PLXNA2: variants seen among roughly 807,000 people sequenced by gnomAD.
PLXNA2 encodes plexin A2.
PLXNA2 carries 91 observed loss-of-function variants against 193.5 expected under a neutral mutation model. That is an observed-to-expected ratio of 0.47 (90% CI 0.40 to 0.56). The LOEUF is 0.56. Ranked by LOEUF, PLXNA2 falls within the 20% of genes least tolerant of loss-of-function variation. The pLI is 0.00. For missense variants in PLXNA2, 1,995 were observed against 2,503.2 expected, an observed-to-expected ratio of 0.80 and a Z score of 4.33; for synonymous variants, 997 against 1,027.3, an observed-to-expected ratio of 0.97 and a Z score of 0.56.
intron 1 of PLXNA2, among the ~76,000 whole-genome samples, chr1:208,223,905 C>G (rs189045588): frequency 6.6e-6 from 1 of 152,334 alleles, no homozygotes; most frequent in Non-Finnish European, 1.5e-5. Flanking sequence ...TACCTAGAGG[C>G]AGGGGATTGG....
At chr1:208,098,590 T>G (rs1034609744) in intron 6 of PLXNA2, among the ~76,000 whole-genome samples, 3 of 152,172 alleles carry the variant, frequency 2.0e-5, no homozygotes, top group Non-Finnish European at 4.4e-5. Context: ...TGCATTATGT[T>G]GCAGATGTTT....
chr1:208,071,246 C>T (rs1665967015), intron 12 of PLXNA2, among the ~76,000 whole-genome samples: 1 of 152,242 alleles, frequency 6.6e-6, no homozygotes. Context: ...GATGTTCATA[C>T]TCTGTATTAA....
At chr1:208,152,672 C>T (rs1039234832) in intron 3 of PLXNA2, among the ~76,000 whole-genome samples, 5 of 117,134 alleles carry the variant, frequency 4.3e-5, no homozygotes, top group African/African-American at 1.5e-4. Context: ...TACACATACA[C>T]ACACACACAC....
intron 3 of PLXNA2, among the ~76,000 whole-genome samples, chr1:208,188,064 C>A (rs2102559297): frequency 6.6e-6 from 1 of 152,330 alleles, no homozygotes; most frequent in African/African-American, 2.4e-5. Flanking sequence ...CATTGCACCA[C>A]CACCAGTGAC....
At chr1:208,139,691 C>T (rs1301994974) in intron 4 of PLXNA2, among the ~76,000 whole-genome samples, 4 of 152,188 alleles carry the variant, frequency 2.6e-5, no homozygotes, top group Non-Finnish European at 5.9e-5. Context: ...TCAGTGATAA[C>T]ACAAGCTGGA....
chr1:208,058,875 T>A (rs1665526310), intron 13 of PLXNA2, among the ~76,000 whole-genome samples: 1 of 152,218 alleles, frequency 6.6e-6, no homozygotes, highest in South Asian at 2.1e-4. Context: ...TCACAGAGAC[T>A]GAACAGCTTG....
chr1:208,113,047 T>A (rs1336252000), intron 4 of PLXNA2, among the ~76,000 whole-genome samples: 1 of 150,234 alleles, frequency 6.7e-6, no homozygotes, highest in African/African-American at 2.4e-5. Flanking sequence ...TACTGTGTTG[T>A]CTCCATGACA....
At chr1:208,152,714 CACA>C (rs1558218254) in intron 3 of PLXNA2, among the ~76,000 whole-genome samples, 5 of 150,088 alleles carry the variant, frequency 3.3e-5, no homozygotes, top group African/African-American at 1.3e-4. Flanking sequence ...CACACACACA[CACA>C]CCACCTTCAA....
chr1:208,200,824 T>G (rs1670527847), intron 3 of PLXNA2, among the ~76,000 whole-genome samples: 3 of 152,120 alleles, frequency 2.0e-5, no homozygotes, highest in African/African-American at 7.2e-5. Flanking sequence ...CAGGCTGGTC[T>G]TGAACTCTTG....
chr1:208,202,809 A>C (rs1237533215), intron 3 of PLXNA2, among the ~76,000 whole-genome samples: 1 of 152,228 alleles, frequency 6.6e-6, no homozygotes, highest in Non-Finnish European at 1.5e-5. Context: ...CCTGCTTGGC[A>C]ATAAAGCCCC....
chr1:208,184,837 C>T (rs897149482), intron 3 of PLXNA2, among the ~76,000 whole-genome samples: 3 of 152,116 alleles, frequency 2.0e-5, no homozygotes, highest in African/African-American at 7.2e-5. Context: ...CTCAGCTGTT[C>T]CCCCAGGCTT....
intron 1 of PLXNA2, among the ~76,000 whole-genome samples, chr1:208,241,577 T>C (rs1672052766): frequency 6.6e-6 from 1 of 152,230 alleles, no homozygotes; most frequent in African/African-American, 2.4e-5. Flanking sequence ...GGTCCCTGGA[T>C]AGAGATCTCC....
intron 3 of PLXNA2, among the ~76,000 whole-genome samples, chr1:208,160,054 G>A (rs1381779672): frequency 1.3e-5 from 2 of 152,188 alleles, no homozygotes; most frequent in Non-Finnish European, 2.9e-5. Flanking sequence ...TCTGGTCTCG[G>A]CAGCTCCCTC....
At chr1:208,232,038 T>G (rs1318610309) in intron 1 of PLXNA2, among the ~76,000 whole-genome samples, 4 of 152,168 alleles carry the variant, frequency 2.6e-5, no homozygotes, top group African/African-American at 7.2e-5. Flanking sequence ...GCCCTGTGAA[T>G]GTTTAGAGGA....
At chr1:208,143,462 C>T (rs989545347) in intron 3 of PLXNA2, among the ~76,000 whole-genome samples, 9 of 152,156 alleles carry the variant, frequency 5.9e-5, no homozygotes, top group African/African-American at 2.2e-4. Context: ...CTATCTAGGC[C>T]CTTATGTTCA....
At chr1:208,154,081 C>T (rs1571975024) in intron 3 of PLXNA2, among the ~76,000 whole-genome samples, 2 of 152,318 alleles carry the variant, frequency 1.3e-5, no homozygotes, top group South Asian at 4.1e-4. Flanking sequence ...CTTCCATGGA[C>T]TCTCTTTGCT....
At position 208,210,320 on chromosome 1, in the gene PLXNA2, C is replaced by A. The variant is rs1670896013; in HGVS notation, c.1331G>T (p.Ser444Ile). ...ACTCTTAGTCCCCACAAAAACCACG[C>A]TGTAGCCGTTGTAAACGTAGGAGGC... is the stretch of plus-strand genomic sequence containing the variant. Reference protein sequence around the residue: ...SVASYVYNGYSVVFVGTKSGK... With the variant: ...SVASYVYNGYIVVFVGTKSGK... Residue 444 changes from serine (S) to isoleucine (I), a missense_variant, in exon 3 of 32, where the codon AGC becomes ATC. This residue lies in a region of PLXNA2 where 702 missense variants were observed against 812.9 expected (regional missense o/e 0.86). Coordinates refer to ENST00000367033, the MANE Select transcript of PLXNA2 (RefSeq NM_025179.4). 1 of 1,613,930 alleles carries A rather than the reference C, an allele frequency of 6.2e-7. No individual in the cohort carries two copies. The highest frequency in any genetic ancestry group is 8.5e-7 in the Non-Finnish European group (1 of 1,180,034).
chr1:208,097,198 TG>T (rs1391886624), intron 6 of PLXNA2, among the ~76,000 whole-genome samples: 2 of 152,208 alleles, frequency 1.3e-5, no homozygotes, highest in African/African-American at 2.4e-5. Context: ...CTGTTCATTT[TG>T]ACATGAAAAT....
intron 1 of PLXNA2, among the ~76,000 whole-genome samples, chr1:208,231,017 C>A (rs1037986927): frequency 1.3e-5 from 2 of 152,142 alleles, no homozygotes; most frequent in Non-Finnish European, 2.9e-5. Flanking sequence ...CCTGAAGGAC[C>A]CTTAAGCACC....
Sources: allele counts gnomAD v4.1 joint callset (sites outside exome capture counted in the v4.1 genomes callset), GRCh38; gene constraint gnomAD v4.1.1; regional missense constraint gnomAD v4.1.1; transcripts MANE v1.5; gene names NCBI Gene and HGNC (gene_info 2026-07-23, HGNC 2026-07-21).